The following UMODL1 variants were observed in gnomAD, a reference collection of about 807,000 sequenced individuals.
UMODL1 encodes the protein uromodulin-like 1.
In UMODL1, 128 loss-of-function variants were observed where a neutral mutation model predicts 136.3. The ratio of observed to expected loss-of-function variants is 0.94; its 90% CI spans 0.81 to 1.09. The LOEUF is 1.09. UMODL1 is among the 50% of genes least tolerant of loss of function. The pLI, the probability that UMODL1 is intolerant of heterozygous loss-of-function variation, is 0.00. For synonymous variants in UMODL1, 721 were observed against 720.0 expected, an observed-to-expected ratio of 1.00 and a Z score of -0.02; for missense variants, 1,766 against 1,725.6, an observed-to-expected ratio of 1.02 and a Z score of -0.41.
chr21:42,086,605 C>T (rs1239638157), intron 4 of UMODL1: 2 of 455,274 alleles, frequency 4.4e-6, no homozygotes, highest in South Asian at 3.1e-5. Flanking sequence ...AGTGTTGCCA[C>T]TCATCAGCTG....
At position 42,126,353 on chromosome 21, in the gene UMODL1, G is replaced by A. The variant is rs764812388; in HGVS notation, c.3156G>A (p.Thr1052=). Residue 1052 remains threonine, a synonymous_variant, in exon 18 of 23, where the codon ACG becomes ACA. Transcript: ENST00000408910. The part of the protein sequence containing the change: ...ECGTLMQSNM[T]NTVVRTTLRN... ...CTCCGCTTTGTGCTCAGAACATGAC[G>A]AACACCGTGGTGAGGACCACGCTGA... The A allele has an allele frequency of 7.4e-6, 12 of 1,614,100 alleles. No homozygotes were observed. The highest frequency in any genetic ancestry group is 4.4e-5 in the South Asian group (4 of 91,074).
At chr21:42,072,960 G>T (rs1376812458) in intron 1 of UMODL1, among the ~76,000 whole-genome samples, 1 of 152,196 alleles carries the variant, frequency 6.6e-6, no homozygotes, top group Non-Finnish European at 1.5e-5. Flanking sequence ...CGGATAAAAT[G>T]TTAAAAACAA....
chr21:42,109,691 C>T lies in UMODL1; in HGVS notation c.1649C>T (p.Ala550Val). ...RDATPSRAGR[A>V]CEGDLVSPMG... ...GCCACCCCCTCCCGCGCAGGCCGGG[C>T]CTGTGAGGGTACGTGTCGACCCCCC... Residue 550 changes from alanine (A) to valine (V), a missense_variant, in exon 10 of 23, where the codon GCC (alanine) becomes GTC (valine). By Grantham distance (64) the Ala-to-Val change is moderately conservative. Transcript: ENST00000408910. The T allele has an allele frequency of 1.2e-6, 2 of 1,603,022 alleles. No homozygotes were observed. The highest frequency in any genetic ancestry group is 1.7e-6 in the Non-Finnish European group (2 of 1,179,916).
At chr21:42,065,847 A>C (rs1367445592) in intron 1 of UMODL1, among the ~76,000 whole-genome samples, 1 of 152,144 alleles carries the variant, frequency 6.6e-6, no homozygotes, top group Admixed American at 6.5e-5. Context: ...CAACTTTTAC[A>C]GACAGGCTGG....
Position 42,121,409 on chromosome 21 carries a change from C to T in UMODL1, c.2827+185C>T, listed in dbSNP as rs551010023. 1.6e-4 allele frequency among the ~76,000 whole-genome samples: 24 copies of T among 151,784 alleles called. 2 individuals are homozygous for T. In the South Asian group the frequency reaches 4.4e-3, roughly 28 times the overall value. ...TGTGATGTATGTGTACATGTGTGTA[C>T]GTGTGTGCATGTTCCTTCCCATTCT... is the stretch of plus-strand genomic sequence containing the variant. On this transcript the variant is annotated intron_variant, in intron 16 of 22. Coordinates refer to ENST00000408910, the MANE Select transcript of UMODL1 (RefSeq NM_001004416.3).
chr21:42,073,031 C>T (rs1016552929), intron 1 of UMODL1, among the ~76,000 whole-genome samples: 31 of 151,262 alleles, frequency 2.0e-4, no homozygotes, highest in Middle Eastern at 3.4e-3. Flanking sequence ...TGCGCGCGCG[C>T]GTGTGTGTGT....
chr21:42,078,490 G>A (rs1236539), intron 2 of UMODL1, among the ~76,000 whole-genome samples: 3 of 44,596 alleles, frequency 6.7e-5, no homozygotes, highest in Non-Finnish European at 9.5e-5. Flanking sequence ...ACCAACAGAA[G>A]CCAGGTGGGG....
At position 42,099,340 on chromosome 21, in the gene UMODL1, T is replaced by A. The variant is rs1209330224; in HGVS notation, c.1186+160T>A. Among the ~76,000 whole-genome samples the A allele has an allele frequency of 1.3e-5, 2 of 152,180 alleles. No homozygotes were observed. ...CTCCCCTCCCAGTCATCCCACTGCC[T>A]GCCCGGCATTGCACCGGCCCGCTGG... On this transcript the variant is annotated intron_variant, in intron 7 of 22. Transcript: ENST00000408910. The surrounding 1 kb of genome is among the most constrained non-coding windows in gnomAD (Gnocchi z 4.1).
chr21:42,065,980 G>A (rs370743067), intron 1 of UMODL1, among the ~76,000 whole-genome samples: 1 of 152,158 alleles, frequency 6.6e-6, no homozygotes, highest in Non-Finnish European at 1.5e-5. Context: ...ACTTGCATTC[G>A]CTCTTTTACA....
At chr21:42,070,907 G>T (rs2066224023), upstream of UMODL1, among the ~76,000 whole-genome samples, 1 of 152,200 alleles carries the variant, frequency 6.6e-6, no homozygotes, top group African/African-American at 2.4e-5. Context: ...GTTTTCTTCT[G>T]CCAGTTCAGA....
In UMODL1 at chr21:42,088,483, T is replaced by G. The variant is rs117106278; in HGVS notation, c.790+3T>G. On this transcript the variant is annotated splice_donor_region_variant and intron_variant, in intron 5 of 22. Transcript: ENST00000408910. ...AGTGATCAGCGTCCAGGTGCAAGGT[T>G]GGGCTTCCCTCAATCCTCCCTCTGG... 497 of 1,591,852 alleles carry G rather than the reference T, an allele frequency of 3.1e-4. 3 individuals are homozygous for G. The East Asian group carries it at 9.9e-3, about 32-fold the overall frequency.
intron 22 of UMODL1, among the ~76,000 whole-genome samples, chr21:42,138,552 A>T (rs2067239108): frequency 6.6e-6 from 1 of 151,136 alleles, no homozygotes; most frequent in Non-Finnish European, 1.5e-5. Flanking sequence ...AAACACCAAG[A>T]CTGGGACTTT....
intron 19 of UMODL1, 135 bp downstream of exon 19, chr21:42,127,377 T>C (rs1258510893): frequency 2.2e-6 from 2 of 889,876 alleles, no homozygotes; most frequent in East Asian, 4.8e-5. Flanking sequence ...GGCTCAGGAG[T>C]GCAGGCACCC....
Position 42,085,216 on chromosome 21 carries a change from C to G in UMODL1, c.482-75C>G, listed in dbSNP as rs2066411676. On this transcript the variant is annotated intron_variant, in intron 3 of 22. Coordinates refer to ENST00000408910, the MANE Select transcript of UMODL1 (RefSeq NM_001004416.3). The surrounding 1 kb of genome is among the most constrained non-coding windows in gnomAD (Gnocchi z 4.5). ...TGGCCTCTGGTTCCCTCTCCTGCCC[C>G]CTCTCCCACCCCAGCAGCTTTTGTG... 2 of 1,561,202 alleles carry G rather than the reference C, an allele frequency of 1.3e-6. No homozygotes were observed. Among genetic ancestry groups the G allele is most frequent in the Non-Finnish European group, 1.7e-6 (2 of 1,150,550 alleles).
chr21:42,127,893 G>T, intron 20 of UMODL1, 62 bp downstream of exon 20: 1 of 1,602,966 alleles, frequency 6.2e-7, no homozygotes, highest in Non-Finnish European at 8.5e-7. Flanking sequence ...GTTACGGTTC[G>T]AGGCTCTGTT....
At chr21:42,114,342 G>A (rs1295312099) in intron 13 of UMODL1, among the ~76,000 whole-genome samples, 1 of 152,262 alleles carries the variant, frequency 6.6e-6, no homozygotes, top group East Asian at 1.9e-4. Context: ...GCTGGACAGT[G>A]ACAATATTAC....
chr21:42,098,855 G>C (rs2146468202), intron 6 of UMODL1, 71 bp from the exon 7 acceptor site: 1 of 1,577,496 alleles, frequency 6.3e-7, no homozygotes, highest in Non-Finnish European at 8.6e-7. Flanking sequence ...ATGAGGCTCT[G>C]TTACCTGCTT....
intron 14 of UMODL1, 102 bp from the exon 15 acceptor site, chr21:42,119,009 C>T: frequency 8.1e-7 from 1 of 1,236,440 alleles, no homozygotes; most frequent in Non-Finnish European, 1.1e-6. Context: ...GTGCCACGGG[C>T]CAGCCCTGCT....
At chr21:42,104,608 C>T (rs1407717091) in intron 9 of UMODL1, among the ~76,000 whole-genome samples, 1 of 152,134 alleles carries the variant, frequency 6.6e-6, no homozygotes, top group Non-Finnish European at 1.5e-5. Flanking sequence ...TGCCACCACG[C>T]CTGGCTAATT....
Sources: allele counts gnomAD v4.1 joint callset (sites outside exome capture counted in the v4.1 genomes callset), GRCh38; gene constraint gnomAD v4.1.1; non-coding constraint Gnocchi (gnomAD v3.1); transcripts MANE v1.5; gene names NCBI Gene and HGNC (gene_info 2026-07-23, HGNC 2026-07-21).